The following MGAT4A variants were observed in gnomAD, a reference collection of about 807,000 sequenced individuals.
MGAT4A encodes the protein N-acetylglucosaminyltransferase IVa.
MGAT4A carries 33 observed loss-of-function variants against 74.1 expected under a neutral mutation model. The observed-to-expected ratio is 0.45, with a 90% CI of 0.34 to 0.60. The LOEUF (loss-of-function observed/expected upper bound fraction) is 0.60, where lower values mean the gene tolerates loss of function less well. MGAT4A is among the 20% of genes least tolerant of loss of function. The pLI is 0.02. For synonymous variants in MGAT4A, 198 were observed against 210.4 expected, an observed-to-expected ratio of 0.94 and a Z score of 0.51; for missense variants, 479 against 628.3, an observed-to-expected ratio of 0.76 and a Z score of 2.54.
At chr2:98,710,046 C>A (rs1281681900) in intron 2 of MGAT4A, among the ~76,000 whole-genome samples, 4 of 151,942 alleles carry the variant, frequency 2.6e-5, no homozygotes, top group Admixed American at 6.6e-5. Flanking sequence ...GAAAAAAAAA[C>A]AATCAATGAC....
Position 98,621,949 on chromosome 2 carries a change from C to A in MGAT4A, c.*3617G>T, listed in dbSNP as rs1018340940. The A allele has an allele frequency of 1.0e-6, 1 of 993,282 alleles. No homozygotes were observed. The highest frequency in any genetic ancestry group is 1.2e-6 in the Non-Finnish European group (1 of 835,086). The allele number at this position is 993,282 out of a possible 1,614,324, so 61.5% of individuals were successfully genotyped here. The stretch of plus-strand genomic sequence containing the variant: ...CAATTGTTGAACAAATACACACATA[C>A]GTATCTACAGCCTATGTGCTAAATA... On this transcript the variant is annotated 3_prime_UTR_variant, in exon 16 of 16. Transcript: ENST00000393487.
intron 2 of MGAT4A, among the ~76,000 whole-genome samples, chr2:98,716,137 A>G (rs879150097): frequency 6.6e-6 from 1 of 152,008 alleles, no homozygotes; most frequent in Non-Finnish European, 1.5e-5. Flanking sequence ...TGGACAACAC[A>G]GTGAGACCCT....
At position 98,663,105 on chromosome 2, in the gene MGAT4A, TA is replaced by T; in HGVS notation, c.477del (p.Ile160LeufsTer14). The T allele has an allele frequency of 6.2e-7, 1 of 1,601,526 alleles. No individual in the cohort carries two copies. Among genetic ancestry groups the T allele is most frequent in the Non-Finnish European group, 8.5e-7 (1 of 1,171,114 alleles). ...TTCTCTTCAGGATACAGGTTATCAA[TA>T]AGGGAATGAAGAGTTTCTATGAGGT... is the stretch of plus-strand genomic sequence containing the variant. ...KSYLIETLHS[L>X]IDNLYPEEKL... On this transcript the variant is annotated frameshift_variant, in exon 5 of 16. Coordinates refer to ENST00000393487, the MANE Select transcript of MGAT4A (RefSeq NM_012214.3). LOFTEE classifies it high-confidence loss of function.
intron 2 of MGAT4A, among the ~76,000 whole-genome samples, chr2:98,720,750 A>G (rs1702657730): frequency 2.6e-5 from 4 of 152,200 alleles, no homozygotes; most frequent in Admixed American, 2.6e-4. Flanking sequence ...TAGAGATTAT[A>G]TAAGCTCAAG....
intron 14 of MGAT4A, among the ~76,000 whole-genome samples, chr2:98,628,346 C>T (rs1311698823): frequency 6.6e-6 from 1 of 152,218 alleles, no homozygotes; most frequent in Non-Finnish European, 1.5e-5. Context: ...CTTAAGTCTT[C>T]AAACAATTGT....
rs1408900767 is a variant in MGAT4A, at chr2:98,625,115, AAATT to A, written c.*447_*450del. ...TATGTACTTCTTAAGTGTTTCTAAT[AAATT>A]AATTCCATAACATTTTTATGTATAT... On this transcript the variant is annotated 3_prime_UTR_variant, in exon 16 of 16. Transcript: ENST00000393487. 37 of 890,130 alleles carry A rather than the reference AAATT, an allele frequency of 4.2e-5. No homozygotes were observed. The highest frequency in any genetic ancestry group is 2.0e-4 in the African/African-American group (11 of 55,136). 55.1% of individuals were successfully genotyped at this position (890,130 alleles called of 1,614,324 possible). A position where few individuals can be genotyped will look rare whatever the true frequency, so the allele number is the denominator to read the frequency against.
At chr2:98,657,575 A>G (rs867849411) in intron 6 of MGAT4A, among the ~76,000 whole-genome samples, 7 of 152,250 alleles carry the variant, frequency 4.6e-5, no homozygotes, top group Admixed American at 6.5e-5. Flanking sequence ...ATGTAGGGTT[A>G]GCAAATAATT....
At chr2:98,626,733 C>T (rs1205276460) in intron 14 of MGAT4A, among the ~76,000 whole-genome samples, 1 of 152,096 alleles carries the variant, frequency 6.6e-6, no homozygotes, top group Non-Finnish European at 1.5e-5. Context: ...AGGAGAAGAA[C>T]ATAATTCCTT....
chr2:98,684,602 C>T (rs929285733), intron 2 of MGAT4A, among the ~76,000 whole-genome samples: 1 of 151,932 alleles, frequency 6.6e-6, no homozygotes, highest in Non-Finnish European at 1.5e-5. Flanking sequence ...AAGGCTAAAC[C>T]GTATAAAATT....
intron 2 of MGAT4A, among the ~76,000 whole-genome samples, chr2:98,705,898 C>T (rs1267360756): frequency 1.3e-5 from 2 of 148,442 alleles, no homozygotes; most frequent in Admixed American, 6.8e-5. Context: ...GCCGAGATTG[C>T]GCCACTGCAG....
At position 98,726,011 on chromosome 2, in the gene MGAT4A, C is replaced by T. The variant is rs1475206248; in HGVS notation, c.94+228G>A. 6.3e-6 allele frequency: 3 copies of T among 477,264 alleles called. No individual in the cohort carries two copies. The Admixed American group carries it at 1.1e-4, about 17-fold the overall frequency. The allele number at this position is 477,264 out of a possible 1,614,324, so 29.6% of individuals were successfully genotyped here. A position where few individuals can be genotyped will look rare whatever the true frequency, so the allele number is the denominator to read the frequency against. On this transcript the variant is annotated intron_variant, in intron 2 of 15. Coordinates refer to ENST00000393487, the MANE Select transcript of MGAT4A (RefSeq NM_012214.3). ...ATAAAACACTGATCAGTATCTGTTT[C>T]TCCAAGTACAATTATAAGAAACTGA...
chr2:98,716,823 C>T (rs1266544913), intron 2 of MGAT4A, among the ~76,000 whole-genome samples: 2 of 152,124 alleles, frequency 1.3e-5, no homozygotes, highest in Non-Finnish European at 2.9e-5. Context: ...TTTAAATCAT[C>T]TCTAGATTAC....
Position 98,731,128 on chromosome 2 carries a change from G to GCCGCCCCGCCCGCCCCGC in MGAT4A, c.-317_-316insGCGGGGCGGGCGGGGCGG, listed in dbSNP as rs1273279213. The GCCGCCCCGCCCGCCCCGC allele has an allele frequency of 1.5e-5, 2 of 134,792 alleles. No individual in the cohort carries two copies. The highest frequency in any genetic ancestry group is 2.2e-4 in the East Asian group (1 of 4,460). The allele number at this position is 134,792 out of a possible 1,614,324, so 8.3% of individuals were successfully genotyped here. Reference sequence around the variant, plus strand: ...GCCGCCGCTGCCGCCGCCGCTGCGGGCCGCCCCGCCCGCCCCGCCGGCTCC... The same window carrying GCCGCCCCGCCCGCCCCGC: ...GCCGCCGCTGCCGCCGCCGCTGCGGGCCGCCCCGCCCGCCCCGCCCGCCCCGCCCGCCCCGCCGGCTCC... On this transcript the variant is annotated 5_prime_UTR_variant, in exon 1 of 16. Coordinates refer to ENST00000393487, the MANE Select transcript of MGAT4A (RefSeq NM_012214.3). This position sits in a 1 kb window ranked among gnomAD's most constrained non-coding sequence, Gnocchi z 4.8.
intron 4 of MGAT4A, among the ~76,000 whole-genome samples, chr2:98,664,329 A>G (rs1216249162): frequency 2.0e-5 from 3 of 152,100 alleles, no homozygotes; most frequent in African/African-American, 7.2e-5. Flanking sequence ...TTGTTTCTAC[A>G]TGATTAACAT....
chr2:98,645,461 T>C lies in MGAT4A; in HGVS notation c.856A>G (p.Met286Val). ...CCCAGCTGGGAAAACTCTAGAATCA[T>C]CCATTCCTCAGAAGAAAGTTGAAGT... is the stretch of plus-strand genomic sequence containing the variant. Reference protein sequence around the residue: ...FALQLSSEEWMILEFSQLGFI... With the variant: ...FALQLSSEEWVILEFSQLGFI... The change falls in exon 9 of 16, where the codon ATG becomes GTG. Residue 286 changes from methionine (M) to valine (V), a missense_variant. Met to Val is a conservative substitution (Grantham distance 21, BLOSUM62 1). This residue lies in a region of MGAT4A where 236 missense variants were observed against 308.2 expected (regional missense o/e 0.77). Transcript: ENST00000393487. The C allele has an allele frequency of 6.3e-7, 1 of 1,591,154 alleles. No homozygotes were observed. Among genetic ancestry groups the C allele is most frequent in the Middle Eastern group, 1.7e-4 (1 of 5,956 alleles).
chr2:98,716,038 C>T (rs1351339420), intron 2 of MGAT4A, among the ~76,000 whole-genome samples: 1 of 152,156 alleles, frequency 6.6e-6, no homozygotes. Context: ...AAGAATACAG[C>T]CAGGGTGCGG....
At chr2:98,630,977 C>G (rs995846969) in intron 14 of MGAT4A, among the ~76,000 whole-genome samples, 27 of 152,132 alleles carry the variant, frequency 1.8e-4, no homozygotes, top group Non-Finnish European at 3.2e-4. Context: ...TGACTGGAAC[C>G]CCACACTCCT....
At position 98,663,131 on chromosome 2, in the gene MGAT4A, T is replaced by G. The variant is rs748409629; in HGVS notation, c.452A>C (p.Tyr151Ser). 22 of 1,604,078 alleles carry G rather than the reference T, an allele frequency of 1.4e-5. No homozygotes were observed. The Admixed American group carries it at 3.5e-4, about 26-fold the overall frequency. ...AAGGGAATGAAGAGTTTCTATGAGG[T>G]AAGATTTAACTTCTCTCTTCACTGT... ...IPTVKREVKS[Y>S]LIETLHSLID... Residue 151 changes from tyrosine to serine, a missense_variant, in exon 5 of 16, where the codon TAC becomes TCC. Tyr to Ser is a moderately radical substitution (Grantham distance 144). This residue lies in a region of MGAT4A where 205 missense variants were observed against 232.7 expected (regional missense o/e 0.88). Coordinates refer to ENST00000393487, the MANE Select transcript of MGAT4A (RefSeq NM_012214.3).
At chr2:98,695,833 T>C (rs1702265013) in intron 2 of MGAT4A, among the ~76,000 whole-genome samples, 1 of 152,050 alleles carries the variant, frequency 6.6e-6, no homozygotes, top group African/African-American at 2.4e-5. Flanking sequence ...TGTAAATATA[T>C]GAAAATGTAG....
Sources: gnomAD v4.1 joint callset for allele counts (sites outside exome capture counted in the v4.1 genomes callset) on GRCh38, gnomAD v4.1.1 for gene constraint, gnomAD v4.1.1 regional missense constraint, Gnocchi (gnomAD v3.1) non-coding constraint, MANE v1.5 for transcripts, NCBI Gene and HGNC (gene_info 2026-07-23, HGNC 2026-07-21) for gene names.